Variants in ADAM2 observed in about 807,000 individuals in gnomAD.
ADAM2 encodes the protein ADAM metallopeptidase domain 2.
Under a neutral mutation model 99.3 loss-of-function variants are expected in ADAM2, and 101 were observed. The ratio of observed to expected loss-of-function variants is 1.02; its 90% confidence interval spans 0.87 to 1.20. The LOEUF (loss-of-function observed/expected upper bound fraction) is 1.20, where lower values mean the gene tolerates loss of function less well. Ranked by LOEUF, ADAM2 falls within the 50% of genes most tolerant of loss-of-function variation. The pLI is 0.00. For synonymous variants in ADAM2, 323 were observed against 287.6 expected (o/e 1.12, Z -1.25); for missense variants, 948 against 878.7 (o/e 1.08, Z -1.00).
At chr8:39,764,106 A>ATTAAGAAG (rs1264579171) in intron 14 of ADAM2, among the ~76,000 whole-genome samples, 3 of 152,214 alleles carry the variant, frequency 2.0e-5, no homozygotes, top group African/African-American at 7.2e-5. Flanking sequence ...GGAGCATGGA[A>ATTAAGAAG]CAAATTAAGA....
At chr8:39,784,779 T>G (rs1803388665) in intron 10 of ADAM2, among the ~76,000 whole-genome samples, 1 of 152,170 alleles carries the variant, frequency 6.6e-6, no homozygotes, top group South Asian at 2.1e-4. Flanking sequence ...TCTCCAAACT[T>G]GTTCATAAAT....
chr8:39,786,883 C>A (rs1207113306), intron 10 of ADAM2, 91 bp downstream of exon 10: 2 of 966,118 alleles, frequency 2.1e-6, no homozygotes, highest in Non-Finnish European at 3.0e-6. Flanking sequence ...TAGAACAATG[C>A]AAATTTTAAT....
chr8:39,834,201 A>T, intron 2 of ADAM2, among the ~76,000 whole-genome samples: 1 of 152,230 alleles, frequency 6.6e-6, no homozygotes, highest in East Asian at 1.9e-4. Context: ...TGAATAAAAT[A>T]ATATATATAC....
intron 10 of ADAM2, among the ~76,000 whole-genome samples, chr8:39,786,687 A>T (rs183052645): frequency 4.8e-4 from 73 of 152,260 alleles, no homozygotes; most frequent in Admixed American, 4.1e-3. Context: ...ATTAATTATT[A>T]AATATTAAGA....
At chr8:39,790,922 C>A (rs1008393115) in intron 7 of ADAM2, among the ~76,000 whole-genome samples, 2 of 151,812 alleles carry the variant, frequency 1.3e-5, no homozygotes, top group African/African-American at 2.4e-5. Context: ...TGCTTTTCCC[C>A]CATGACAAAA....
chr8:39,834,591 C>A (rs777334723), intron 2 of ADAM2, among the ~76,000 whole-genome samples: 3 of 151,742 alleles, frequency 2.0e-5, no homozygotes, highest in Non-Finnish European at 2.9e-5. Context: ...AAAAATTAGC[C>A]GGGCATGGGG....
intron 10 of ADAM2, 104 bp downstream of exon 10, chr8:39,786,870 G>A: frequency 1.2e-6 from 1 of 801,668 alleles, no homozygotes; most frequent in Non-Finnish European, 1.9e-6. Context: ...TGACAAAGAT[G>A]CTTAGAACAA....
At position 39,821,013 on chromosome 8, in the gene ADAM2, G is replaced by A; in HGVS notation, c.502C>T (p.Gln168Ter). 6.3e-7 allele frequency: 1 copy of A among 1,591,234 alleles called. No homozygotes were observed. The highest frequency in any genetic ancestry group is 2.2e-5 in the East Asian group (1 of 44,632). Reference protein sequence around the residue: ...IESRDLSFKLQSVEPQQDFAK... With the variant: ...IESRDLSFKL ...AATTAATCACCTACCTCTACGCTTT[G>A]TAATTTAAAGGACAGATCTCTTGAT... The change falls in exon 6 of 21, where the codon CAA becomes TAA. Residue 168 changes from glutamine to a stop codon, truncating the protein, a stop_gained. Coordinates refer to ENST00000265708, the MANE Select transcript of ADAM2 (RefSeq NM_001464.5). LOFTEE classifies it high-confidence loss of function.
intron 7 of ADAM2, among the ~76,000 whole-genome samples, chr8:39,796,784 G>T (rs1803976665): frequency 6.6e-6 from 1 of 152,118 alleles, no homozygotes; most frequent in Non-Finnish European, 1.5e-5. Context: ...GAATTTCTCT[G>T]ATTATTAGTG....
intron 16 of ADAM2, among the ~76,000 whole-genome samples, chr8:39,751,780 A>G (rs1477756430): frequency 6.6e-6 from 1 of 152,186 alleles, no homozygotes; most frequent in African/African-American, 2.4e-5. Flanking sequence ...AGGTTCCTAC[A>G]GAAACCTTCT....
intron 6 of ADAM2, among the ~76,000 whole-genome samples, chr8:39,815,289 G>T (rs1430850336): frequency 6.6e-6 from 1 of 152,038 alleles, no homozygotes; most frequent in African/African-American, 2.4e-5. Flanking sequence ...TTCGTATAAT[G>T]AAGGAACTGT....
chr8:39,779,421 T>C (rs1009671224), intron 10 of ADAM2, among the ~76,000 whole-genome samples: 1 of 152,098 alleles, frequency 6.6e-6, no homozygotes, highest in East Asian at 1.9e-4. Context: ...GTCCTATCTC[T>C]GAATATAGTC....
chr8:39,762,707 T>C (rs530163135), intron 14 of ADAM2, among the ~76,000 whole-genome samples: 1 of 152,334 alleles, frequency 6.6e-6, no homozygotes, highest in Non-Finnish European at 1.5e-5. Context: ...AAATTCTGCC[T>C]GTGGACTTCA....
intron 6 of ADAM2, 85 bp downstream of exon 6, chr8:39,820,916 TA>T: frequency 1.2e-6 from 1 of 867,274 alleles, no homozygotes; most frequent in Non-Finnish European, 1.7e-6. Flanking sequence ...TATGGGTGTG[TA>T]AATATGTAAT....
chr8:39,823,016 G>A (rs1348177526), intron 4 of ADAM2, among the ~76,000 whole-genome samples: 3 of 152,074 alleles, frequency 2.0e-5, no homozygotes, highest in Admixed American at 6.6e-5. Flanking sequence ...ATCTGCCCGC[G>A]TTGGCCTCCC....
At chr8:39,811,640 C>T (rs1292509103) in intron 6 of ADAM2, among the ~76,000 whole-genome samples, 10 of 152,090 alleles carry the variant, frequency 6.6e-5, no homozygotes, top group Middle Eastern at 3.2e-3. Context: ...AATCAATAAA[C>T]GTAATCCAGC....
chr8:39,823,795 T>A (rs1398060462), intron 4 of ADAM2, among the ~76,000 whole-genome samples: 1 of 152,172 alleles, frequency 6.6e-6, no homozygotes, highest in Non-Finnish European at 1.5e-5. Flanking sequence ...ACTCTATAAC[T>A]GACTCATAGA....
At position 39,788,669 on chromosome 8, in the gene ADAM2, A is replaced by G; in HGVS notation, c.642T>C (p.Ala214=). The G allele has an allele frequency of 6.4e-7, 1 of 1,574,088 alleles. No homozygotes were observed. The highest frequency in any genetic ancestry group is 1.2e-5 in the South Asian group (1 of 85,926). Residue 214 remains alanine, a splice_region_variant and synonymous_variant, in exon 8 of 21, where the codon GCT becomes GCC. Transcript: ENST00000265708. ...KVFQLIGLTN[A]IFVSFNITII... ...AAAGTACTAAGAAGCAAAGACTTAC[A>G]GCATTCGTCAATCCAATCAACTGGA... is the stretch of plus-strand genomic sequence containing the variant.
chr8:39,801,492 G>T (rs1234487391), intron 7 of ADAM2, among the ~76,000 whole-genome samples: 1 of 152,184 alleles, frequency 6.6e-6, no homozygotes, highest in Non-Finnish European at 1.5e-5. Context: ...GTCTCACTCA[G>T]TTGGGTGGCA....
Sources: gnomAD v4.1 joint callset for allele counts (sites outside exome capture counted in the v4.1 genomes callset) on GRCh38, gnomAD v4.1.1 for gene constraint, MANE v1.5 for transcripts, NCBI Gene and HGNC (gene_info 2026-07-23, HGNC 2026-07-21) for gene names.